Variants in BRAP observed in about 807,000 individuals in gnomAD.
BRAP encodes BRCA1 associated protein.
A neutral mutation model predicts 73.4 loss-of-function variants in BRAP; 42 were observed. The ratio of observed to expected loss-of-function variants is 0.57; its 90% CI spans 0.45 to 0.74. BRAP has a LOEUF of 0.74. Ranked by LOEUF, BRAP falls within the 30% of genes least tolerant of loss-of-function variation. The probability of loss-of-function intolerance (pLI) is 0.00; values close to 1 mark genes in which losing one functional copy is unlikely to be tolerated. For missense variants in BRAP, 593 were observed against 751.4 expected, an observed-to-expected ratio of 0.79 and a Z score of 2.46; for synonymous variants, 255 against 267.4, an observed-to-expected ratio of 0.95 and a Z score of 0.45.
chr12:111,681,485 T>C, intron 3 of BRAP, 152 bp downstream of exon 3: 1 of 590,518 alleles, frequency 1.7e-6, no homozygotes, highest in Non-Finnish European at 2.7e-6. Flanking sequence ...ATGTAAAACA[T>C]CTGAGAATTC....
intron 8 of BRAP, 111 bp downstream of exon 8, chr12:111,659,096 G>T: frequency 1.5e-6 from 2 of 1,362,474 alleles, no homozygotes; most frequent in Non-Finnish European, 2.0e-6. Flanking sequence ...ATTTGGGTTT[G>T]CAACAGCTGT....
At chr12:111,662,563 A>G (rs778493658) in intron 6 of BRAP, among the ~76,000 whole-genome samples, 3 of 152,100 alleles carry the variant, frequency 2.0e-5, no homozygotes, top group Non-Finnish European at 4.4e-5. Context: ...AAAAAAAGCT[A>G]TAACTAGTAA....
At chr12:111,670,614 C>T (rs992381748) in intron 5 of BRAP, among the ~76,000 whole-genome samples, 7 of 152,274 alleles carry the variant, frequency 4.6e-5, no homozygotes, top group Middle Eastern at 3.4e-3. Flanking sequence ...CCTCAGCCTC[C>T]GGAGTAGCTG....
At chr12:111,644,604 G>C in intron 11 of BRAP, 42 bp from the exon 12 acceptor site, 1 of 1,594,054 alleles carries the variant, frequency 6.3e-7, no homozygotes, top group Non-Finnish European at 8.6e-7. Context: ...TTTTTCATTT[G>C]CTGACACAGT....
intron 5 of BRAP, chr12:111,670,217 T>C (rs1163638713): frequency 1.6e-6 from 1 of 607,044 alleles, no homozygotes; most frequent in African/African-American, 1.8e-5. Flanking sequence ...AGCTTCTTCT[T>C]CATCTGACCG....
At chr12:111,679,876 CAAAAAAAA>C (rs398044813) in intron 3 of BRAP, among the ~76,000 whole-genome samples, 1 of 72,112 alleles carries the variant, frequency 1.4e-5, no homozygotes, top group Non-Finnish European at 2.5e-5. Context: ...GACTCCATCT[CAAAAAAAA>C]AAAAAAAAAA....
At chr12:111,653,998 C>T (rs1481528894) in intron 10 of BRAP, among the ~76,000 whole-genome samples, 2 of 152,186 alleles carry the variant, frequency 1.3e-5, no homozygotes, top group African/African-American at 4.8e-5. Flanking sequence ...GAATCCTGAG[C>T]TTAGCTTCAA....
At position 111,683,244 on chromosome 12, in the gene BRAP, T is replaced by G; in HGVS notation, c.146A>C (p.Glu49Ala). 6.2e-7 allele frequency: 1 copy of G among 1,614,178 alleles called. No homozygotes were observed. Among genetic ancestry groups the G allele is most frequent in the Non-Finnish European group, 8.5e-7 (1 of 1,180,030 alleles). ...TACTTTCTCTCCTGGTGACTTGCCT[T>G]CTAAACAGGCTACAGCTGAGGCTAG... ...TTLASAVACLEGKSPGEKVAI... is the reference protein window; with the variant it reads ...TTLASAVACLAGKSPGEKVAI... Residue 49 changes from glutamate to alanine, a missense_variant, in exon 2 of 12, where the codon GAA becomes GCA. Glu to Ala is a moderately radical substitution (Grantham distance 107). Transcript: ENST00000419234.
intron 11 of BRAP, among the ~76,000 whole-genome samples, chr12:111,646,117 T>C (rs905087190): frequency 6.6e-6 from 1 of 151,920 alleles, no homozygotes; most frequent in Non-Finnish European, 1.5e-5. Context: ...ACACCGTCTA[T>C]ACAAAAGAAA....
At chr12:111,648,042 G>A (rs1014397716) in intron 11 of BRAP, among the ~76,000 whole-genome samples, 7 of 152,112 alleles carry the variant, frequency 4.6e-5, no homozygotes, top group Non-Finnish European at 7.4e-5. Context: ...GCTCAAGGCT[G>A]TAATCCCAGC....
intron 2 of BRAP, 94 bp from the exon 3 acceptor site, chr12:111,681,929 T>C: frequency 8.5e-7 from 1 of 1,176,484 alleles, no homozygotes; most frequent in South Asian, 1.6e-5. Flanking sequence ...AGGAATAAAC[T>C]TTGATAGAGT....
chr12:111,672,734 T>C lies in BRAP; in HGVS notation c.674A>G (p.Gln225Arg). Residue 225 changes from glutamine (Q) to arginine (R), a missense_variant, in exon 5 of 12, where the codon CAG becomes CGG. Around this residue, in one of 4 missense-constraint regions of BRAP, gnomAD observed 304 missense variants for 337.7 expected, o/e 0.90. Transcript: ENST00000419234. ...AACGTCATCTTCTATTGAGTTGAAC[T>C]GGCGGCCATTGCATGTCATATAAAA... ...DSFYMTCNGR[Q>R]FNSIEDDVCQ... 1.2e-6 allele frequency: 2 copies of C among 1,614,144 alleles called. No individual in the cohort carries two copies. The highest frequency in any genetic ancestry group is 1.7e-6 in the Non-Finnish European group (2 of 1,180,030).
At chr12:111,671,915 C>T (rs1376814354) in intron 5 of BRAP, among the ~76,000 whole-genome samples, 1 of 151,994 alleles carries the variant, frequency 6.6e-6, no homozygotes, top group African/African-American at 2.4e-5. Flanking sequence ...CGAATTCCTA[C>T]ACTCAAGCAA....
chr12:111,654,312 A>G (rs1482580748), intron 10 of BRAP, among the ~76,000 whole-genome samples: 1 of 150,260 alleles, frequency 6.7e-6, no homozygotes, highest in African/African-American at 2.5e-5. Flanking sequence ...TCATTTTAAA[A>G]CTGACTTTTT....
chr12:111,650,226 T>A (rs1011392709), intron 10 of BRAP, among the ~76,000 whole-genome samples, 184 bp from the exon 11 acceptor site: 3 of 152,218 alleles, frequency 2.0e-5, no homozygotes, highest in South Asian at 4.1e-4. Context: ...GGTAATCATT[T>A]GAAAGAATTT....
In BRAP at chr12:111,672,718, T is replaced by C; in HGVS notation, c.690A>G (p.Glu230=). ...CATACACTAGCTGGCAAACGTCATC[T>C]TCTATTGAGTTGAACTGGCGGCCAT... The part of the protein sequence containing the change: ...TCNGRQFNSI[E]DDVCQLVYVE... Residue 230 remains glutamate, a synonymous_variant, in exon 5 of 12, where the codon GAA becomes GAG. Coordinates refer to ENST00000419234, the MANE Select transcript of BRAP (RefSeq NM_006768.5). 6.2e-7 allele frequency: 1 copy of C among 1,614,158 alleles called. No homozygotes were observed. The highest frequency in any genetic ancestry group is 8.5e-7 in the Non-Finnish European group (1 of 1,180,036).
chr12:111,685,003 G>C (rs956915793), intron 1 of BRAP, among the ~76,000 whole-genome samples: 2 of 152,138 alleles, frequency 1.3e-5, no homozygotes, highest in Admixed American at 6.5e-5. Flanking sequence ...TTAATTATCT[G>C]AGGACCAAGG....
chr12:111,679,321 CT>C lies in BRAP; in HGVS notation c.462del (p.Glu155LysfsTer18). 6.5e-7 allele frequency: 1 copy of C among 1,542,974 alleles called. No homozygotes were observed. Among genetic ancestry groups the C allele is most frequent in the Non-Finnish European group, 8.8e-7 (1 of 1,140,682 alleles). On this transcript the variant is annotated frameshift_variant, in exon 4 of 12. Transcript: ENST00000419234. LOFTEE classifies it high-confidence loss of function. ...AGCATGGCACTGCGCCGCACATCTT[CT>C]TTTAAGGAGGTCATCTTACTAACAA... Reference protein sequence around the residue: ...LYKTNKMTSLKEDVRRSAMLC... With the variant: ...LYKTNKMTSLXEDVRRSAMLC...
chr12:111,664,448 G>A (rs537634745), intron 6 of BRAP, among the ~76,000 whole-genome samples: 12 of 152,316 alleles, frequency 7.9e-5, no homozygotes, highest in Admixed American at 2.0e-4. Flanking sequence ...ATCTCAGTAT[G>A]GCTTTGTTCA....
Sources: allele counts gnomAD v4.1 joint callset (sites outside exome capture counted in the v4.1 genomes callset), GRCh38; gene constraint gnomAD v4.1.1; regional missense constraint gnomAD v4.1.1; transcripts MANE v1.5; gene names NCBI Gene and HGNC (gene_info 2026-07-23, HGNC 2026-07-21).